The following ASIP variants were observed in gnomAD, a reference collection of about 807,000 sequenced individuals.
ASIP encodes the protein agouti-signaling protein.
ASIP carries 11 observed loss-of-function variants against 10.3 expected under a neutral mutation model. The observed-to-expected ratio is 1.07, with a 90% CI of 0.68 to 1.78. The LOEUF is 1.78. ASIP is among the 40% of genes most tolerant of loss of function. The pLI is 0.00. For missense variants in ASIP, 180 were observed against 169.2 expected (o/e 1.06, Z -0.35); for synonymous variants, 70 against 70.8 (o/e 0.99, Z 0.06).
rs565344627 is a variant in ASIP, at chr20:34,269,236, C to A, written c.*69C>A. On this transcript the variant is annotated 3_prime_UTR_variant, in exon 4 of 4. Transcript: ENST00000374954. ...CGGGGCGCTTCTCGGGCGGGTGATC[C>A]CTAACAGGGCGGCTTCCCAGGGCTG... 1.4e-5 allele frequency: 20 copies of A among 1,422,842 alleles called. No individual in the cohort carries two copies. Among genetic ancestry groups the A allele is most frequent in the Non-Finnish European group, 1.7e-5 (19 of 1,093,454 alleles). The allele number at this position is 1,422,842 out of a possible 1,614,324, so 88.1% of individuals were successfully genotyped here.
At chr20:34,237,226 C>T (rs2035222401), upstream of ASIP, among the ~76,000 whole-genome samples, 1 of 151,266 alleles carries the variant, frequency 6.6e-6, no homozygotes, top group Non-Finnish European at 1.5e-5. Flanking sequence ...TTTGAGATTC[C>T]ATACAAATTT....
upstream of ASIP, among the ~76,000 whole-genome samples, chr20:34,191,417 T>A (rs2122524761): frequency 6.6e-6 from 1 of 152,194 alleles, no homozygotes; most frequent in Admixed American, 6.5e-5. Flanking sequence ...TTTGCTTACC[T>A]CCCTGAGCAC....
At chr20:34,200,387 C>T (rs1218861266) in intron 1 of ASIP, among the ~76,000 whole-genome samples, 2 of 152,184 alleles carry the variant, frequency 1.3e-5, no homozygotes, top group Non-Finnish European at 2.9e-5. Flanking sequence ...CTCAAATTGG[C>T]ATCCCTCAAA....
intron 1 of ASIP, among the ~76,000 whole-genome samples, chr20:34,200,835 T>C (rs1568744265): frequency 1.3e-5 from 2 of 152,152 alleles, no homozygotes; most frequent in African/African-American, 2.4e-5. Context: ...GCTTTAATTT[T>C]CCCCCCTATG....
At chr20:34,202,715 T>C (rs1350996916) in intron 1 of ASIP, among the ~76,000 whole-genome samples, 1 of 152,140 alleles carries the variant, frequency 6.6e-6, no homozygotes, top group Non-Finnish European at 1.5e-5. Flanking sequence ...CCTGTTTCCA[T>C]TTCCTGTAAC....
chr20:34,257,641 A>G (rs2122650318), intron 1 of ASIP, among the ~76,000 whole-genome samples: 1 of 152,338 alleles, frequency 6.6e-6, no homozygotes, highest in Middle Eastern at 3.4e-3. Flanking sequence ...AATTCTAGAC[A>G]GCATGATATA....
At chr20:34,264,172 T>C (rs2035745473) in intron 3 of ASIP, among the ~76,000 whole-genome samples, 2 of 152,134 alleles carry the variant, frequency 1.3e-5, no homozygotes, top group South Asian at 2.1e-4. Context: ...CCAAAACATA[T>C]GTACACACAG....
At chr20:34,242,780 TC>T (rs2035304428) in intron 1 of ASIP, among the ~76,000 whole-genome samples, 1 of 152,250 alleles carries the variant, frequency 6.6e-6, no homozygotes, top group Non-Finnish European at 1.5e-5. Flanking sequence ...CTTCCCTCCT[TC>T]TGCTGTAAAG....
chr20:34,205,216 G>A lies in ASIP; in HGVS notation c.-11+10456G>A, dbSNP rs2424977. On this transcript the variant is annotated intron_variant, in intron 1 of 3. Transcript: ENST00000568305. ...GGAGTTTCTTCCTTCTGGTGGGTTCGTGGTCTTGCCGACTTCAGGAGTGAA... is the reference window on the plus strand; with the variant it reads ...GGAGTTTCTTCCTTCTGGTGGGTTCATGGTCTTGCCGACTTCAGGAGTGAA... Among the ~76,000 whole-genome samples the A allele has an allele frequency of 2.2e-3, 333 of 152,282 alleles. 3 individuals are homozygous for A. In the East Asian group the frequency reaches 0.025, roughly 12 times the overall value.
chr20:34,224,226 A>AT (rs1377103010), intron 1 of ASIP, among the ~76,000 whole-genome samples: 12 of 151,684 alleles, frequency 7.9e-5, no homozygotes, highest in African/African-American at 2.4e-4. Flanking sequence ...AAAAAAATAA[A>AT]TTAAAAAAAA....
At chr20:34,206,052 G>A (rs1336134724) in intron 1 of ASIP, among the ~76,000 whole-genome samples, 2 of 152,130 alleles carry the variant, frequency 1.3e-5, no homozygotes, top group East Asian at 1.9e-4. Flanking sequence ...GAGTGCAGTG[G>A]CACCATCTCA....
intron 1 of ASIP, among the ~76,000 whole-genome samples, chr20:34,202,801 C>CTTTTTTT (rs34156089): frequency 1.0e-4 from 6 of 57,282 alleles, no homozygotes; most frequent in Non-Finnish European, 2.0e-4. Flanking sequence ...CTTGGCTATT[C>CTTTTTTT]TTTTTTTTTT....
At chr20:34,213,372 A>T in intron 1 of ASIP, 1 of 588,020 alleles carries the variant, frequency 1.7e-6, no homozygotes, top group Non-Finnish European at 3.0e-6. Context: ...TCTAAGACAG[A>T]AAGTTAATGC....
intron 3 of ASIP, 143 bp from the exon 4 acceptor site, chr20:34,268,848 G>A: frequency 1.0e-6 from 1 of 992,314 alleles, no homozygotes; most frequent in Non-Finnish European, 1.5e-6. Context: ...AATCTGACTG[G>A]GGGAGCGGGC....
At chr20:34,260,100 A>T (rs548154079) in intron 1 of ASIP, among the ~76,000 whole-genome samples, 6 of 151,798 alleles carry the variant, frequency 4.0e-5, no homozygotes, top group Admixed American at 6.6e-5. Context: ...TGGACAGCAG[A>T]GACCAGTGCA....
At chr20:34,210,391 G>T (rs1373176327) in intron 1 of ASIP, among the ~76,000 whole-genome samples, 1 of 152,234 alleles carries the variant, frequency 6.6e-6, no homozygotes, top group East Asian at 1.9e-4. Context: ...GAAGCTGCTT[G>T]CAGTGTGTCT....
intron 1 of ASIP, among the ~76,000 whole-genome samples, chr20:34,201,060 C>T (rs558270567): frequency 1.4e-3 from 132 of 94,004 alleles, no homozygotes; most frequent in African/African-American, 4.8e-3. Flanking sequence ...TTCTTTCTTT[C>T]TTTTTTTTCC....
At chr20:34,242,852 C>A (rs1157599836) in intron 1 of ASIP, among the ~76,000 whole-genome samples, 6 of 152,212 alleles carry the variant, frequency 3.9e-5, no homozygotes, top group African/African-American at 1.4e-4. Flanking sequence ...AGTGCTTGTG[C>A]AGAATGCACC....
At chr20:34,238,657 T>G (rs2035242671), upstream of ASIP, among the ~76,000 whole-genome samples, 1 of 152,150 alleles carries the variant, frequency 6.6e-6, no homozygotes, top group East Asian at 1.9e-4. Context: ...ATGAGGACTT[T>G]CAGAGCTTCT....
Sources: gnomAD v4.1 joint callset for allele counts (sites outside exome capture counted in the v4.1 genomes callset) on GRCh38, gnomAD v4.1.1 for gene constraint, MANE v1.5 for transcripts, NCBI Gene and HGNC (gene_info 2026-07-23, HGNC 2026-07-21) for gene names.